The following STAU1 variants were observed in gnomAD, a reference collection of about 807,000 sequenced individuals.
STAU1 encodes the protein double-stranded RNA-binding protein Staufen homolog 1.
A neutral mutation model predicts 62.9 loss-of-function variants in STAU1; 13 were observed. That is an observed-to-expected ratio of 0.21 (90% CI 0.13 to 0.33). STAU1 has a LOEUF of 0.33. Ranked by LOEUF, STAU1 falls within the 10% of genes least tolerant of loss-of-function variation. The pLI, the probability that STAU1 is intolerant of heterozygous loss-of-function variation, is 1.00. For missense variants in STAU1, 571 were observed against 712.1 expected, an observed-to-expected ratio of 0.80 and a Z score of 2.25; for synonymous variants, 269 against 265.1, an observed-to-expected ratio of 1.01 and a Z score of -0.14.
At position 49,116,178 on chromosome 20, in the gene STAU1, T is replaced by C. The variant is rs114295891; in HGVS notation, c.1633-311A>G. On this transcript the variant is annotated intron_variant, in intron 12 of 13. Coordinates refer to ENST00000371856, the MANE Select transcript of STAU1 (RefSeq NM_017453.4). ...CAAAAATCTATCATGTATTTTTCTT[T>C]CTATAGAGACAGGGTCTCACTAAGT... is the stretch of plus-strand genomic sequence containing the variant. 5.2e-3 allele frequency among the ~76,000 whole-genome samples: 797 copies of C among 152,286 alleles called. 10 individuals carry two copies. The highest frequency in any genetic ancestry group is 0.018 in the African/African-American group (748 of 41,558).
chr20:49,117,385 C>G lies in STAU1; in HGVS notation c.1510-137G>C. On this transcript the variant is annotated intron_variant, in intron 11 of 13. Transcript: ENST00000371856. The surrounding 1 kb of genome is among the most constrained non-coding windows in gnomAD (Gnocchi z 4.6). Reference sequence around the variant, plus strand: ...AGCCCCACTGTGGCCATACTAACACCTGCCCTGTCAGCCCAGAACCTTCCA... The same window carrying G: ...AGCCCCACTGTGGCCATACTAACACGTGCCCTGTCAGCCCAGAACCTTCCA... 9.2e-7 allele frequency: 1 copy of G among 1,092,180 alleles called. No individual in the cohort carries two copies. Among genetic ancestry groups the G allele is most frequent in the South Asian group, 1.5e-5 (1 of 66,136 alleles). 67.7% of individuals were successfully genotyped at this position (1,092,180 alleles called of 1,614,324 possible). A position where few individuals can be genotyped will look rare whatever the true frequency, so the allele number is the denominator to read the frequency against.
upstream of STAU1, chr20:49,188,499 G>C (rs962561281): frequency 6.8e-6 from 1 of 147,006 alleles, no homozygotes; most frequent in Non-Finnish European, 1.5e-5. Context: ...CGCAAGGCAC[G>C]CCGGGGGCCC....
rs555563238 is a variant in STAU1 at position 49,172,484 on chromosome 20, T to C, written c.-85+1711A>G. Among the ~76,000 whole-genome samples the C allele has an allele frequency of 5.9e-5, 9 of 152,350 alleles. 1 individual carries two copies. The South Asian group carries it at 1.7e-3, about 28-fold the overall frequency. On this transcript the variant is annotated intron_variant, in intron 2 of 13. Coordinates refer to ENST00000371856, the MANE Select transcript of STAU1 (RefSeq NM_017453.4). ...CTGTTCATGATCTGCTGGAGACTTT[T>C]AAAAGTAGTTCTGTGTGATATTTTC...
chr20:49,156,254 CTT>C (rs1433503541), intron 3 of STAU1, among the ~76,000 whole-genome samples: 1 of 152,112 alleles, frequency 6.6e-6, no homozygotes, highest in Admixed American at 6.5e-5. Context: ...TTTCATTAAA[CTT>C]CGGAAATCTT....
intron 6 of STAU1, 68 bp from the exon 7 acceptor site, chr20:49,124,655 T>C: frequency 1.3e-6 from 2 of 1,532,504 alleles, no homozygotes; most frequent in Non-Finnish European, 1.8e-6. Flanking sequence ...GCACACTGGC[T>C]GGCACACTTC....
At chr20:49,164,292 A>T (rs988306068) in intron 3 of STAU1, among the ~76,000 whole-genome samples, 6 of 151,322 alleles carry the variant, frequency 4.0e-5, no homozygotes, top group Non-Finnish European at 8.9e-5. Context: ...CTTGCCAGCC[A>T]AGAAGGAGAC....
At chr20:49,167,378 C>T (rs1255863526) in intron 2 of STAU1, among the ~76,000 whole-genome samples, 1 of 152,002 alleles carries the variant, frequency 6.6e-6, no homozygotes, top group African/African-American at 2.4e-5. Context: ...AAAGCTGGTC[C>T]TCAAGAAAGA....
At chr20:49,180,862 C>T (rs2093716341) in intron 1 of STAU1, among the ~76,000 whole-genome samples, 4 of 152,166 alleles carry the variant, frequency 2.6e-5, no homozygotes, top group Admixed American at 2.6e-4. Context: ...GAGCAAAATT[C>T]ATCCTAGCTG....
At chr20:49,129,270 T>G (rs1187718276) in intron 6 of STAU1, among the ~76,000 whole-genome samples, 3 of 131,876 alleles carry the variant, frequency 2.3e-5, no homozygotes, top group Non-Finnish European at 4.6e-5. Flanking sequence ...TAGAATGACT[T>G]TAAAAAAAAA....
chr20:49,195,967 G>A, the STAU1 span, among the ~76,000 whole-genome samples: 4 of 142,210 alleles, frequency 2.8e-5, no homozygotes, highest in Non-Finnish European at 6.1e-5. Context: ...TGGCTGGGCC[G>A]CTGGCTCATG....
chr20:49,161,601 C>G (rs2093449247), intron 3 of STAU1, among the ~76,000 whole-genome samples: 1 of 152,186 alleles, frequency 6.6e-6, no homozygotes, highest in Non-Finnish European at 1.5e-5. Flanking sequence ...AAAGCCTATA[C>G]TCAAGCTGGA....
intron 1 of STAU1, among the ~76,000 whole-genome samples, chr20:49,175,909 C>A (rs1600860244): frequency 6.6e-6 from 1 of 151,846 alleles, no homozygotes; most frequent in African/African-American, 2.4e-5. Context: ...ATTCTCCTGC[C>A]TCAGCCTCCC....
chr20:49,187,581 T>A (rs2093803345), intron 1 of STAU1, among the ~76,000 whole-genome samples: 1 of 152,126 alleles, frequency 6.6e-6, no homozygotes, highest in Non-Finnish European at 1.5e-5. Context: ...TCACTGAACC[T>A]TAAGAGGCAG....
At chr20:49,133,558 C>T (rs1266160362) in intron 6 of STAU1, among the ~76,000 whole-genome samples, 1 of 152,202 alleles carries the variant, frequency 6.6e-6, no homozygotes, top group Non-Finnish European at 1.5e-5. Flanking sequence ...TCCCACTCAA[C>T]TGTGAGCCCA....
intron 6 of STAU1, chr20:49,135,096 C>A: frequency 2.0e-6 from 2 of 978,358 alleles, no homozygotes; most frequent in East Asian, 2.4e-5. Flanking sequence ...TGCCTTTATT[C>A]GTAACGTTTT....
At chr20:49,181,717 G>A (rs1193832959) in intron 1 of STAU1, among the ~76,000 whole-genome samples, 2 of 132,450 alleles carry the variant, frequency 1.5e-5, no homozygotes, top group African/African-American at 2.8e-5. Flanking sequence ...AGTGAGCCGA[G>A]ATGATACCTC....
At chr20:49,131,265 G>A (rs894979255) in intron 6 of STAU1, among the ~76,000 whole-genome samples, 1 of 152,230 alleles carries the variant, frequency 6.6e-6, no homozygotes, top group African/African-American at 2.4e-5. Context: ...TCAGCTAAAT[G>A]TAAGGTGTGA....
chr20:49,151,851 A>G lies in STAU1; in HGVS notation c.345-104T>C, dbSNP rs113232894. The stretch of plus-strand genomic sequence containing the variant: ...TTTCCTTCATCACGATCCTACTCAC[A>G]TTAGTGTTTGATGCTAATCACTCTT... On this transcript the variant is annotated intron_variant, in intron 4 of 13. Transcript: ENST00000371856. 2,760 of 1,014,006 alleles carry G rather than the reference A, an allele frequency of 2.7e-3. 58 individuals carry two copies. In the African/African-American group the frequency reaches 0.04, roughly 15 times the overall value. The allele number at this position is 1,014,006 out of a possible 1,614,324, so 62.8% of individuals were successfully genotyped here. A position where few individuals can be genotyped will look rare whatever the true frequency, so the allele number is the denominator to read the frequency against.
At chr20:49,150,943 A>G (rs1448434529) in intron 5 of STAU1, among the ~76,000 whole-genome samples, 1 of 152,148 alleles carries the variant, frequency 6.6e-6, no homozygotes, top group Non-Finnish European at 1.5e-5. Flanking sequence ...GCTGACAGCA[A>G]GCACCAACTT....
Sources: gnomAD v4.1 joint callset for allele counts (sites outside exome capture counted in the v4.1 genomes callset) on GRCh38, gnomAD v4.1.1 for gene constraint, Gnocchi (gnomAD v3.1) non-coding constraint, MANE v1.5 for transcripts, NCBI Gene and HGNC (gene_info 2026-07-23, HGNC 2026-07-21) for gene names.